The following GSTCD variants were observed in gnomAD, a reference collection of about 807,000 sequenced individuals.
GSTCD encodes glutathione S-transferase C-terminal domain-containing protein.
Under a neutral mutation model 68.3 loss-of-function variants are expected in GSTCD, and 44 were observed. That is an observed-to-expected ratio of 0.64 (90% CI 0.51 to 0.83). The LOEUF (loss-of-function observed/expected upper bound fraction) is 0.83, where lower values mean the gene tolerates loss of function less well. GSTCD is among the 40% of genes least tolerant of loss of function. The pLI, the probability that GSTCD is intolerant of heterozygous loss-of-function variation, is 0.00. For missense variants in GSTCD, 739 were observed against 735.9 expected (o/e 1.00, Z -0.05); for synonymous variants, 273 against 255.2 (o/e 1.07, Z -0.67).
chr4:105,822,849 T>C, intron 5 of GSTCD, 105 bp from the exon 6 acceptor site: 1 of 721,342 alleles, frequency 1.4e-6, no homozygotes, highest in South Asian at 1.7e-5. Flanking sequence ...GTGTGTATGC[T>C]CCTCCCCCTC....
intron 9 of GSTCD, 53 bp from the exon 10 acceptor site, chr4:105,837,806 A>G: frequency 1.3e-6 from 1 of 758,538 alleles, no homozygotes; most frequent in Non-Finnish European, 2.1e-6. Flanking sequence ...CTTCAAGATT[A>G]TCTTACTCTT....
intron 5 of GSTCD, chr4:105,821,317 T>C (rs1723281272): frequency 6.6e-6 from 1 of 151,954 alleles, no homozygotes; most frequent in Admixed American, 6.6e-5. Context: ...AGGCATTCAC[T>C]CTAAGATTCT....
intron 5 of GSTCD, among the ~76,000 whole-genome samples, chr4:105,745,334 G>A (rs79195199): frequency 2.0e-5 from 3 of 152,294 alleles, no homozygotes; most frequent in Non-Finnish European, 2.9e-5. Context: ...ATTCTATGAA[G>A]AATGAAAGGT....
intron 1 of GSTCD, among the ~76,000 whole-genome samples, chr4:105,713,745 A>G (rs1435718298): frequency 6.6e-6 from 1 of 152,032 alleles, no homozygotes; most frequent in African/African-American, 2.4e-5. Flanking sequence ...TTGTAGTCAC[A>G]AAGATAACTT....
At chr4:105,808,471 T>C (rs1163042750) in intron 5 of GSTCD, among the ~76,000 whole-genome samples, 1 of 152,132 alleles carries the variant, frequency 6.6e-6, no homozygotes, top group Non-Finnish European at 1.5e-5. Context: ...GCAACTATCA[T>C]GTCTAGCCTT....
chr4:105,847,038 G>C lies in GSTCD; in HGVS notation c.*1461G>C, dbSNP rs982985995. 1.4e-4 allele frequency: 22 copies of C among 152,142 alleles called. No homozygotes were observed. The highest frequency in any genetic ancestry group is 4.8e-4 in the African/African-American group (20 of 41,510). 9.4% of individuals were successfully genotyped at this position (152,142 alleles called of 1,614,324 possible). ...CAATCATTTTTATTTATATATTTCT[G>C]GGTAAAACTTATTAGTGGTGTGAGG... On this transcript the variant is annotated 3_prime_UTR_variant, in exon 12 of 12. Transcript: ENST00000515279.
rs1422056022 is a variant in GSTCD, at chr4:105,711,860, G to T, written c.-22+2844G>T. Among the ~76,000 whole-genome samples the T allele has an allele frequency of 2.0e-5, 3 of 152,126 alleles. No individual in the cohort carries two copies. In the East Asian group the frequency reaches 5.8e-4, roughly 29 times the overall value. ...TCTAGTTAAGATTCTTAGTTCCTTT[G>T]CCCTGGATATAAGTATACATAAAAA... On this transcript the variant is annotated intron_variant, in intron 1 of 11. Transcript: ENST00000515279.
At chr4:105,815,163 A>G (rs1722924002) in intron 5 of GSTCD, 1 of 152,158 alleles carries the variant, frequency 6.6e-6, no homozygotes, top group African/African-American at 2.4e-5. Context: ...CATAACAATT[A>G]TTGATTTTAT....
Position 105,729,368 on chromosome 4 carries a change from A to G in GSTCD, c.1147-38A>G, listed in dbSNP as rs115766971. 1,049 of 1,307,436 alleles carry G rather than the reference A, an allele frequency of 8.0e-4. 10 individuals carry two copies. In the African/African-American group the frequency reaches 0.013, roughly 17 times the overall value. 81.0% of individuals were successfully genotyped at this position (1,307,436 alleles called of 1,614,324 possible). A position where few individuals can be genotyped will look rare whatever the true frequency, so the allele number is the denominator to read the frequency against. On this transcript the variant is annotated intron_variant, in intron 4 of 11. Coordinates refer to ENST00000515279, the MANE Select transcript of GSTCD (RefSeq NM_001370181.1). Reference sequence around the variant, plus strand: ...TTCAATAATATAATAAGACTATATTAATTCCTTAATTTAGAAAGAGGCTAT... The same window carrying G: ...TTCAATAATATAATAAGACTATATTGATTCCTTAATTTAGAAAGAGGCTAT...
Position 105,781,356 on chromosome 4 carries a change from C to T in GSTCD, c.1241-41598C>T, listed in dbSNP as rs527932923. On this transcript the variant is annotated intron_variant, in intron 5 of 11. Transcript: ENST00000515279. ...CTCAAACTCCTGAGCTAAAGGGATC[C>T]TCCCCCTCAGCCCCCCAAGTACTTA... Among the ~76,000 whole-genome samples, 4 of 151,912 alleles carry T rather than the reference C, an allele frequency of 2.6e-5. No homozygotes were observed. In the East Asian group the frequency reaches 7.7e-4, roughly 29 times the overall value.
intron 5 of GSTCD, among the ~76,000 whole-genome samples, chr4:105,798,947 G>A (rs149038294): frequency 6.6e-4 from 101 of 152,318 alleles, no homozygotes; most frequent in Non-Finnish European, 1.2e-3. Flanking sequence ...TAGAGGGCTA[G>A]TTTATCTACA....
At chr4:105,827,878 C>A (rs1384148003) in intron 8 of GSTCD, among the ~76,000 whole-genome samples, 4 of 151,696 alleles carry the variant, frequency 2.6e-5, no homozygotes, top group Non-Finnish European at 4.4e-5. Flanking sequence ...GACTTAGAAA[C>A]AACTAAGTCT....
intron 10 of GSTCD, among the ~76,000 whole-genome samples, chr4:105,839,011 T>C (rs1051251944): frequency 1.2e-4 from 19 of 152,260 alleles, no homozygotes; most frequent in African/African-American, 4.6e-4. Context: ...TCAGCAGCTG[T>C]ATCTCCTTCA....
At chr4:105,804,332 A>G (rs981209191) in intron 5 of GSTCD, among the ~76,000 whole-genome samples, 2 of 152,110 alleles carry the variant, frequency 1.3e-5, no homozygotes, top group Non-Finnish European at 2.9e-5. Context: ...AAAAGGAATT[A>G]TTCAAAATAG....
At chr4:105,769,818 C>T (rs1734771794) in intron 5 of GSTCD, among the ~76,000 whole-genome samples, 1 of 152,134 alleles carries the variant, frequency 6.6e-6, no homozygotes, top group Non-Finnish European at 1.5e-5. Context: ...TGCAATGGCA[C>T]ATTTATAGCT....
intron 5 of GSTCD, among the ~76,000 whole-genome samples, chr4:105,791,400 A>G (rs1452611809): frequency 6.6e-6 from 1 of 151,710 alleles, no homozygotes; most frequent in Non-Finnish European, 1.5e-5. Flanking sequence ...CTCAAAAAAA[A>G]AAAAAAAAAG....
intron 5 of GSTCD, among the ~76,000 whole-genome samples, chr4:105,771,300 T>A (rs532253016): frequency 6.6e-6 from 1 of 152,176 alleles, no homozygotes; most frequent in Non-Finnish European, 1.5e-5. Flanking sequence ...TTGCAAAAAT[T>A]TTCTCCCATT....
chr4:105,791,376 G>C (rs1405607851), intron 5 of GSTCD, among the ~76,000 whole-genome samples: 8 of 144,242 alleles, frequency 5.5e-5, no homozygotes, highest in African/African-American at 7.8e-5. Context: ...CTGGGCAACA[G>C]AGCGAGACTC....
chr4:105,726,131 A>G (rs1173806212), intron 3 of GSTCD, among the ~76,000 whole-genome samples: 3 of 152,216 alleles, frequency 2.0e-5, no homozygotes, highest in African/African-American at 2.4e-5. Context: ...ACATGCAAAT[A>G]TCTATCAACC....
Sources: allele counts gnomAD v4.1 joint callset (sites outside exome capture counted in the v4.1 genomes callset), GRCh38; gene constraint gnomAD v4.1.1; transcripts MANE v1.5; gene names NCBI Gene and HGNC (gene_info 2026-07-23, HGNC 2026-07-21).